KDM6B: variants seen among roughly 807,000 people sequenced by gnomAD.
KDM6B encodes the protein lysine demethylase 6B, also known as lysine-specific demethylase 6B.
A neutral mutation model predicts 150.4 loss-of-function variants in KDM6B; 22 were observed. The observed-to-expected ratio is 0.15, with a 90% CI of 0.10 to 0.21. The LOEUF (loss-of-function observed/expected upper bound fraction) is 0.21. Among genes scored for constraint, KDM6B ranks in the 10% least tolerant of loss-of-function variants. The pLI is 1.00. For missense variants in KDM6B, 1,984 were observed against 2,234.3 expected (o/e 0.89, Z 2.26); for synonymous variants, 1,148 against 921.1 (o/e 1.25, Z -4.46).
intron 5 of KDM6B, 60 bp downstream of exon 5, chr17:7,845,751 T>C: frequency 1.2e-6 from 2 of 1,610,800 alleles, no homozygotes; most frequent in South Asian, 1.1e-5. Context: ...TATCCCTCAA[T>C]CTGTGTCATT....
chr17:7,837,348 C>G (rs150043784), intron 1 of KDM6B, among the ~76,000 whole-genome samples: 108 of 152,274 alleles, frequency 7.1e-4, no homozygotes, highest in African/African-American at 2.5e-3. Flanking sequence ...ACACCCCCAT[C>G]TGCAAACAAT....
In KDM6B at chr17:7,849,343, G is replaced by A. The variant is rs1286461586; in HGVS notation, c.3055G>A (p.Gly1019Arg). The stretch of plus-strand genomic sequence containing the variant: ...CAAAGAAAAGAGCCGCCGGGTGCTG[G>A]GGAACCTGGACCTGCAGAGCGAGGA... The part of the protein sequence containing the change: ...VPKEKSRRVL[G>R]NLDLQSEEIQ... The change falls in exon 12 of 24, where the codon GGG (glycine) becomes AGG (arginine). Residue 1019 changes from glycine (G) to arginine (R), a missense_variant. Gly to Arg is a moderately radical substitution (Grantham distance 125). Around this residue, in one of 13 missense-constraint regions of KDM6B, gnomAD observed 1,379 missense variants for 1,275.6 expected, o/e 1.08. Transcript: ENST00000448097. The A allele has an allele frequency of 7.6e-6, 12 of 1,588,676 alleles. No individual in the cohort carries two copies. The highest frequency in any genetic ancestry group is 8.6e-7 in the Non-Finnish European group (1 of 1,168,302).
intron 19 of KDM6B, 31 bp downstream of exon 19, chr17:7,852,096 C>T (rs773447463): frequency 1.2e-6 from 2 of 1,613,366 alleles, no homozygotes; most frequent in East Asian, 2.2e-5. Context: ...GTCAGACTGC[C>T]GCGTCCCCGC....
In KDM6B at chr17:7,847,566, A is replaced by G. The variant is rs2078581914; in HGVS notation, c.1278A>G (p.Gln426=). ...NPGIPGADHY[Q]TPALEVSHHG... ...TGCAGCCCGGCGCTGACCATTACCA[A>G]ACTCCCGCGCTGGAGGTCTCTCACC... The change falls in exon 12 of 24, where the codon CAA becomes CAG. Residue 426 remains glutamine (Q), a synonymous_variant. Coordinates refer to ENST00000448097, the MANE Select transcript of KDM6B (RefSeq NM_001348716.2). The G allele has an allele frequency of 6.2e-7, 1 of 1,612,998 alleles. No homozygotes were observed. Among genetic ancestry groups the G allele is most frequent in the Non-Finnish European group, 8.5e-7 (1 of 1,179,862 alleles).
Position 7,848,598 on chromosome 17 carries a change from G to GCCACCACCAGCCCTA in KDM6B, c.2320_2334dup (p.Ala774_Pro778dup). 1 of 1,594,910 alleles carries GCCACCACCAGCCCTA rather than the reference G, an allele frequency of 6.3e-7. No individual in the cohort carries two copies. The highest frequency in any genetic ancestry group is 8.5e-7 in the Non-Finnish European group (1 of 1,172,212). ...CGGCCACCCAGGAAGAGGAGAAGAA[G>GCCACCACCAGCCCTA]CCACCACCAGCCCTACCACCACCAC... On this transcript the variant is annotated inframe_insertion, in exon 12 of 24. Transcript: ENST00000448097.
rs537051929 is a variant in KDM6B, at chr17:7,847,842, C to G, written c.1554C>G (p.Pro518=). ...GACCCCCCCGCCCTGCCCCACCACC[C>G]CTCCCCCATCGCGAGGGCTTCTTGG... The part of the protein sequence containing the change: ...TEGPPRPAPP[P]LPHREGFLGP... The change falls in exon 12 of 24, where the codon CCC becomes CCG. Residue 518 remains proline, a synonymous_variant. Transcript: ENST00000448097. The G allele has an allele frequency of 6.4e-7, 1 of 1,557,394 alleles. No individual in the cohort carries two copies. The highest frequency in any genetic ancestry group is 8.7e-7 in the Non-Finnish European group (1 of 1,150,764).
At chr17:7,847,059 C>G (rs1345166910) in intron 10 of KDM6B, 43 bp downstream of exon 10, 1 of 1,610,962 alleles carries the variant, frequency 6.2e-7, no homozygotes. Flanking sequence ...CCTACAAGTC[C>G]CACGCTCTCT....
Position 7,847,723 on chromosome 17 carries a change from C to G in KDM6B, c.1435C>G (p.Pro479Ala). ...PPPPCPRLLR[P>A]PPPPAWLKGP... The stretch of plus-strand genomic sequence containing the variant: ...ACCCCCCTGTCCCCGCCTCTTACGC[C>G]CCCCACCACCCCCTGCCTGGTTGAA... The change falls in exon 12 of 24, where the codon CCC becomes GCC. Residue 479 changes from proline (P) to alanine (A), a missense_variant. Physicochemically the swap from Pro to Ala is conservative, Grantham distance 27. Around this residue, in one of 13 missense-constraint regions of KDM6B, gnomAD observed 1,379 missense variants for 1,275.6 expected, o/e 1.08. Transcript: ENST00000448097. 1 of 1,512,034 alleles carries G rather than the reference C, an allele frequency of 6.6e-7. No homozygotes were observed. Among genetic ancestry groups the G allele is most frequent in the East Asian group, 2.5e-5 (1 of 39,634 alleles). The allele number at this position is 1,512,034 out of a possible 1,614,324, so 93.7% of individuals were successfully genotyped here.
rs758800041 is a variant in KDM6B at position 7,851,307 on chromosome 17, C to G, written c.3880-23C>G. Reference sequence around the variant, plus strand: ...CTCTCGAAAGGTCTCTGACCCAGGCCTGCCTACCCTCTGGCTGAACAGGAG... The same window carrying G: ...CTCTCGAAAGGTCTCTGACCCAGGCGTGCCTACCCTCTGGCTGAACAGGAG... On this transcript the variant is annotated intron_variant, in intron 15 of 23. Coordinates refer to ENST00000448097, the MANE Select transcript of KDM6B (RefSeq NM_001348716.2). 9.3e-6 allele frequency: 15 copies of G among 1,613,840 alleles called. No individual in the cohort carries two copies. In the Admixed American group the frequency reaches 2.3e-4, roughly 25 times the overall value.
rs1040946262 is a variant in KDM6B, at chr17:7,839,972, C to T, written c.-321C>T. The T allele has an allele frequency of 3.9e-5, 6 of 152,596 alleles. No individual in the cohort carries two copies. The highest frequency in any genetic ancestry group is 9.7e-5 in the African/African-American group (4 of 41,408). The allele number at this position is 152,596 out of a possible 1,614,324, so 9.5% of individuals were successfully genotyped here. ...CCCCACCCACTGTGGTCTGTTGTACCCCACTGCTGGGGTGGTGGTTCCAAT... is the reference window on the plus strand; with the variant it reads ...CCCCACCCACTGTGGTCTGTTGTACTCCACTGCTGGGGTGGTGGTTCCAAT... On this transcript the variant is annotated 5_prime_UTR_variant, in exon 2 of 24. Coordinates refer to ENST00000448097, the MANE Select transcript of KDM6B (RefSeq NM_001348716.2).
chr17:7,839,622 C>T (rs9910131), intron 1 of KDM6B, among the ~76,000 whole-genome samples: 745 of 152,194 alleles, frequency 4.9e-3, no homozygotes, highest in African/African-American at 0.017. Flanking sequence ...CAGGGAGTCT[C>T]AGCAGGAGCG....
rs147289925 is a variant in KDM6B, at chr17:7,848,826, C to T, written c.2538C>T (p.Thr846=). The T allele has an allele frequency of 5.6e-5, 91 of 1,612,580 alleles. No individual in the cohort carries two copies. Among genetic ancestry groups the T allele is most frequent in the African/African-American group, 5.6e-4 (42 of 75,050 alleles). The change falls in exon 12 of 24, where the codon ACC becomes ACT. Residue 846 remains threonine, a synonymous_variant. Transcript: ENST00000448097. ...CCCCTGGCCCCCCATCAGGTGCTACCGCCCTGCCGCCCACCTCAGCGGCCC... is the reference window on the plus strand; with the variant it reads ...CCCCTGGCCCCCCATCAGGTGCTACTGCCCTGCCGCCCACCTCAGCGGCCC... ...QYSPGPPSGA[T]ALPPTSAAPS...
At chr17:7,840,685 GTGT>G (rs1353243710) in intron 2 of KDM6B, 1 of 152,226 alleles carries the variant, frequency 6.6e-6, no homozygotes, top group Non-Finnish European at 1.5e-5. Context: ...AGTTCTCTCT[GTGT>G]TGTTCTTCCT....
rs2078752068 is a variant in KDM6B at position 7,853,696 on chromosome 17, T to TTA, written c.*175_*176insTA. 4.9e-6 allele frequency: 2 copies of TTA among 411,690 alleles called. No individual in the cohort carries two copies. The highest frequency in any genetic ancestry group is 7.9e-6 in the Non-Finnish European group (2 of 252,232). 25.5% of individuals were successfully genotyped at this position (411,690 alleles called of 1,614,324 possible). ...TTAAGAAAAACTTTTTTTTTTTTTT[T>TTA]AGCAAATATGAGGAAAAAAGGAAAA... On this transcript the variant is annotated 3_prime_UTR_variant, in exon 24 of 24. Transcript: ENST00000448097.
intron 2 of KDM6B, among the ~76,000 whole-genome samples, chr17:7,841,576 A>G: frequency 6.6e-6 from 1 of 152,312 alleles, no homozygotes; most frequent in African/African-American, 2.4e-5. Context: ...TCATGTAGAC[A>G]GGGATAATGA....
chr17:7,844,845 C>G lies in KDM6B; in HGVS notation c.-268-56C>G, dbSNP rs2078497428. 6.3e-6 allele frequency: 1 copy of G among 158,202 alleles called. No individual in the cohort carries two copies. Among genetic ancestry groups the G allele is most frequent in the Admixed American group, 6.0e-5 (1 of 16,580 alleles). 9.8% of individuals were successfully genotyped at this position (158,202 alleles called of 1,614,324 possible). On this transcript the variant is annotated intron_variant, in intron 2 of 23. Coordinates refer to ENST00000448097, the MANE Select transcript of KDM6B (RefSeq NM_001348716.2). The surrounding 1 kb of genome is among the most constrained non-coding windows in gnomAD (Gnocchi z 5.9). Reference sequence around the variant, plus strand: ...AGCTCGTCTGACCGGCTCCCGCGCCCCTCCTCCCCCGGCCACCGCTGCCGG... The same window carrying G: ...AGCTCGTCTGACCGGCTCCCGCGCCGCTCCTCCCCCGGCCACCGCTGCCGG...
chr17:7,846,371 G>GGCCCGGCC, intron 7 of KDM6B, 29 bp from the exon 8 acceptor site: 4 of 1,488,910 alleles, frequency 2.7e-6, no homozygotes, highest in Non-Finnish European at 2.8e-6. Flanking sequence ...CCTGACATCT[G>GGCCCGGCC]CCCCTGCCCC....
intron 1 of KDM6B, among the ~76,000 whole-genome samples, chr17:7,834,862 C>G (rs2078300416): frequency 6.6e-6 from 1 of 152,122 alleles, no homozygotes; most frequent in African/African-American, 2.4e-5. Flanking sequence ...CGGTAGCCTT[C>G]GCCTTCTTCC....
chr17:7,850,876 C>T lies in KDM6B; in HGVS notation c.3674-145C>T, dbSNP rs139696104. 9.4e-4 allele frequency: 708 copies of T among 750,086 alleles called. 2 individuals carry two copies. Among genetic ancestry groups the T allele is most frequent in the Admixed American group, 1.9e-3 (93 of 49,332 alleles). The allele number at this position is 750,086 out of a possible 1,614,324, so 46.5% of individuals were successfully genotyped here. On this transcript the variant is annotated intron_variant, in intron 14 of 23. Transcript: ENST00000448097. ...CCCAGCTTCCTGTGGGGCTAGGGCT[C>T]CTGCCTATTTCTTCTGGGCTGAGCT...
Sources: gnomAD v4.1 joint callset for allele counts (sites outside exome capture counted in the v4.1 genomes callset) on GRCh38, gnomAD v4.1.1 for gene constraint, gnomAD v4.1.1 regional missense constraint, Gnocchi (gnomAD v3.1) non-coding constraint, MANE v1.5 for transcripts, NCBI Gene and HGNC (gene_info 2026-07-23, HGNC 2026-07-21) for gene names.